KALRN: variants seen among roughly 807,000 people sequenced by gnomAD.
The protein encoded by KALRN is kalirin.
A neutral mutation model predicts 353.7 loss-of-function variants in KALRN; 70 were observed. The observed-to-expected ratio is 0.20, with a 90% confidence interval of 0.16 to 0.24. KALRN has a LOEUF of 0.24. Ranked by LOEUF, KALRN falls within the 10% of genes least tolerant of loss-of-function variation. The pLI is 1.00. For synonymous variants in KALRN, 1,391 were observed against 1,434.8 expected (o/e 0.97, Z 0.69); for missense variants, 2,791 against 3,756.7 (o/e 0.74, Z 6.72).
chr3:124,472,573 A>ATGTGTGTGTGTGTGTGTGTGTGTGTG, intron 25 of KALRN, among the ~76,000 whole-genome samples: 1 of 97,434 alleles, frequency 1.0e-5, no homozygotes, highest in South Asian at 3.1e-4. Flanking sequence ...GTGTGTGTGT[A>ATGTGTGTGTGTGTGTGTGTGTGTGTG]TATGTGTGTG....
chr3:124,395,599 A>T (rs563983870), intron 12 of KALRN: 1 of 471,044 alleles, frequency 2.1e-6, no homozygotes, highest in East Asian at 3.5e-5. Context: ...TAACATAAAT[A>T]CAACAAAAAT....
chr3:124,662,336 T>G (rs2084997325), intron 45 of KALRN, among the ~76,000 whole-genome samples: 1 of 151,576 alleles, frequency 6.6e-6, no homozygotes, highest in Non-Finnish European at 1.5e-5. Context: ...CCTGAGAAGC[T>G]GGACTCCAGT....
chr3:124,712,920 C>G lies in KALRN; in HGVS notation c.8076-15C>G. On this transcript the variant is annotated splice_polypyrimidine_tract_variant and intron_variant, in intron 57 of 59. Transcript: ENST00000682506. ...ATTAATGAATGTTGGCAAACTCTCC[C>G]TTTTGTTTTTCCAGAGGCCGTTTCT... The G allele has an allele frequency of 1.3e-6, 2 of 1,593,754 alleles. No individual in the cohort carries two copies. The highest frequency in any genetic ancestry group is 1.7e-6 in the Non-Finnish European group (2 of 1,164,650).
intron 6 of KALRN, among the ~76,000 whole-genome samples, chr3:124,320,030 G>A (rs1300741830): frequency 6.6e-6 from 1 of 151,986 alleles, no homozygotes; most frequent in Non-Finnish European, 1.5e-5. Context: ...CTCAATAACT[G>A]GTAGTATTTG....
chr3:124,628,480 TTCCCTTCCC>T (rs1561464739), intron 34 of KALRN, among the ~76,000 whole-genome samples: 1 of 102,622 alleles, frequency 9.7e-6, no homozygotes, highest in Non-Finnish European at 2.1e-5. Flanking sequence ...CTTCCCTTCC[TTCCCTTCCC>T]TCCCTTCCCT....
rs74878709 is a variant in KALRN at position 124,257,166 on chromosome 3, CTCTA to C, written c.264-7326_264-7323del. ...GTTGTTCTGACTTATTTCATTGTTA[CTCTA>C]TCTATTTGTGTGTTACCTACTATTT... On this transcript the variant is annotated intron_variant, in intron 3 of 59. Coordinates refer to ENST00000682506, the MANE Select transcript of KALRN (RefSeq NM_001388419.1). 0.035 allele frequency among the ~76,000 whole-genome samples: 5,379 copies of C among 152,222 alleles called. 631 individuals are homozygous for C. In the East Asian group the frequency reaches 0.43, roughly 12 times the overall value.
intron 34 of KALRN, among the ~76,000 whole-genome samples, chr3:124,572,347 A>T (rs2073631885): frequency 6.6e-6 from 1 of 151,690 alleles, no homozygotes; most frequent in Non-Finnish European, 1.5e-5. Flanking sequence ...AAAACAAAAA[A>T]CAAAAAAAAA....
chr3:124,250,980 A>G (rs1430744275), intron 3 of KALRN, among the ~76,000 whole-genome samples: 2 of 152,224 alleles, frequency 1.3e-5, no homozygotes, highest in African/African-American at 2.4e-5. Flanking sequence ...CTAGCCAGCT[A>G]GACCAGACTC....
At chr3:124,094,856 G>C in intron 1 of KALRN, 2 of 1,614,094 alleles carry the variant, frequency 1.2e-6, no homozygotes, top group Non-Finnish European at 1.7e-6. Flanking sequence ...CCGCTTCTGG[G>C]ACCAGTGGTA....
chr3:124,462,478 A>G (rs375692883), intron 24 of KALRN, 46 bp from the exon 25 acceptor site: 6 of 1,128,296 alleles, frequency 5.3e-6, no homozygotes, highest in South Asian at 5.1e-5. Flanking sequence ...TGTATTTTAT[A>G]TGGCCTGCCA....
At chr3:124,717,068 A>G (rs577915695) in intron 58 of KALRN, among the ~76,000 whole-genome samples, 179 bp from the exon 59 acceptor site, 3 of 152,354 alleles carry the variant, frequency 2.0e-5, no homozygotes, top group Admixed American at 2.0e-4. Context: ...TATTTATTTT[A>G]GTTCTGAATA....
chr3:124,118,328 G>T (rs543216650), intron 1 of KALRN, among the ~76,000 whole-genome samples: 1 of 152,294 alleles, frequency 6.6e-6, no homozygotes, highest in East Asian at 1.9e-4. Context: ...CGATGGGGGT[G>T]TGTGGCTTAG....
intron 1 of KALRN, among the ~76,000 whole-genome samples, chr3:124,157,683 A>G (rs2069213860): frequency 6.6e-6 from 1 of 152,146 alleles, no homozygotes; most frequent in African/African-American, 2.4e-5. Flanking sequence ...TTCAAGTTAC[A>G]CTGATCACTA....
chr3:124,481,234 G>A (rs191258770), intron 27 of KALRN, among the ~76,000 whole-genome samples: 110 of 152,150 alleles, frequency 7.2e-4, no homozygotes, highest in African/African-American at 2.6e-3. Context: ...TTGAGACAGG[G>A]TCTCTCTCTG....
chr3:124,168,542 A>C (rs553279704), intron 1 of KALRN, among the ~76,000 whole-genome samples: 2 of 152,208 alleles, frequency 1.3e-5, no homozygotes, highest in Non-Finnish European at 2.9e-5. Flanking sequence ...GGCCTGGATC[A>C]GTGGCTCAGC....
chr3:124,205,322 C>T (rs186262376), intron 1 of KALRN, among the ~76,000 whole-genome samples: 40 of 152,316 alleles, frequency 2.6e-4, no homozygotes, highest in Admixed American at 2.0e-3. Context: ...CTCTAGCACA[C>T]CACCAGGTGT....
At chr3:124,227,140 G>A (rs939966127) in intron 1 of KALRN, among the ~76,000 whole-genome samples, 1 of 152,128 alleles carries the variant, frequency 6.6e-6, no homozygotes, top group Non-Finnish European at 1.5e-5. Context: ...TGCCTCCTGA[G>A]GCTACTGTTC....
chr3:124,079,252 T>G (rs2060415953), intron 1 of KALRN, among the ~76,000 whole-genome samples: 1 of 152,140 alleles, frequency 6.6e-6, no homozygotes, highest in Non-Finnish European at 1.5e-5. Context: ...TCAGGAAACT[T>G]GATACCAGAG....
Position 124,523,612 on chromosome 3 carries a change from C to T in KALRN, c.4935+27199C>T, listed in dbSNP as rs939894294. ...AGATAATTGAAAGTTTTCTGTTTCA[C>T]GAAAGTACCCAGCAAAATGAGAGTA... On this transcript the variant is annotated intron_variant, in intron 33 of 59. Coordinates refer to ENST00000682506, the MANE Select transcript of KALRN (RefSeq NM_001388419.1). 5.3e-5 allele frequency among the ~76,000 whole-genome samples: 8 copies of T among 152,186 alleles called. No homozygotes were observed. The South Asian group carries it at 6.2e-4, about 12-fold the overall frequency.
Sources: allele counts gnomAD v4.1 joint callset (sites outside exome capture counted in the v4.1 genomes callset), GRCh38; gene constraint gnomAD v4.1.1; transcripts MANE v1.5; gene names NCBI Gene and HGNC (gene_info 2026-07-23, HGNC 2026-07-21).